Variants in TENM3 observed in about 807,000 individuals in gnomAD.
TENM3 encodes teneurin transmembrane protein 3, also known as teneurin-3.
A neutral mutation model predicts 255.1 loss-of-function variants in TENM3; 63 were observed. That is an observed-to-expected ratio of 0.25 (90% CI 0.20 to 0.30). The LOEUF is 0.30. Ranked by LOEUF, TENM3 falls within the 10% of genes least tolerant of loss-of-function variation. The probability of loss-of-function intolerance (pLI) is 1.00; values close to 1 mark genes in which losing one functional copy is unlikely to be tolerated. For synonymous variants in TENM3, 1,306 were observed against 1,322.3 expected (o/e 0.99, Z 0.27); for missense variants, 2,929 against 3,461.1 (o/e 0.85, Z 3.86).
chr4:182,771,642 G>A (rs1037011545), intron 22 of TENM3, among the ~76,000 whole-genome samples: 1 of 152,148 alleles, frequency 6.6e-6, no homozygotes, highest in African/African-American at 2.4e-5. Context: ...CAAACTGAAC[G>A]ACAGAACTTT....
At chr4:182,296,378 A>G (rs1761499770) in intron 1 of TENM3, among the ~76,000 whole-genome samples, 1 of 152,246 alleles carries the variant, frequency 6.6e-6, no homozygotes, top group Non-Finnish European at 1.5e-5. Context: ...GATACAAAGT[A>G]AATCATAAGG....
At chr4:182,644,197 G>A (rs912973821) in intron 5 of TENM3, among the ~76,000 whole-genome samples, 6 of 152,100 alleles carry the variant, frequency 3.9e-5, no homozygotes, top group African/African-American at 7.2e-5. Flanking sequence ...GCTGGACTAT[G>A]TCACCAGCTG....
chr4:182,581,640 G>A (rs1482823267), intron 3 of TENM3, among the ~76,000 whole-genome samples: 1 of 152,162 alleles, frequency 6.6e-6, no homozygotes, highest in Non-Finnish European at 1.5e-5. Flanking sequence ...AGGAGGCTGA[G>A]GCGGGAGAAT....
At chr4:181,505,237 G>T in the TENM3 span, among the ~76,000 whole-genome samples, 1 of 152,188 alleles carries the variant, frequency 6.6e-6, no homozygotes, top group African/African-American at 2.4e-5. Context: ...GGCACTGTTT[G>T]CTCTTCCCAC....
At chr4:181,866,928 CTCATTGCCTTAATGA>C in the TENM3 span, among the ~76,000 whole-genome samples, 228 of 152,228 alleles carry the variant, frequency 1.5e-3, 1 homozygote, top group African/African-American at 5.3e-3. Flanking sequence ...CTCATCTAAC[CTCATTGCCTTAATGA>C]TCACTTTTCT....
intron 3 of TENM3, among the ~76,000 whole-genome samples, chr4:182,461,018 T>G (rs1189233293): frequency 6.6e-6 from 1 of 152,162 alleles, no homozygotes; most frequent in Non-Finnish European, 1.5e-5. Context: ...TAATTTTGAG[T>G]CCATTTAGAC....
At chr4:181,495,763 T>C in the TENM3 span, among the ~76,000 whole-genome samples, 4 of 151,996 alleles carry the variant, frequency 2.6e-5, no homozygotes, top group African/African-American at 7.3e-5. Flanking sequence ...AAACTTCTTA[T>C]AGGAAAATAT....
chr4:182,693,375 C>T (rs1438160779), intron 12 of TENM3, among the ~76,000 whole-genome samples: 5 of 151,036 alleles, frequency 3.3e-5, no homozygotes, highest in African/African-American at 9.8e-5. Context: ...CTCACTCTGT[C>T]GCCCAGGCTG....
At chr4:181,483,809 G>A in the TENM3 span, among the ~76,000 whole-genome samples, 4 of 152,004 alleles carry the variant, frequency 2.6e-5, no homozygotes, top group Admixed American at 1.3e-4. Flanking sequence ...AAGGCTATGC[G>A]GTAATTGTGT....
At chr4:182,441,767 C>G (rs566433419) in intron 3 of TENM3, among the ~76,000 whole-genome samples, 1 of 152,290 alleles carries the variant, frequency 6.6e-6, no homozygotes, top group Admixed American at 6.5e-5. Flanking sequence ...ACCTTGTGAT[C>G]TGCCCACCTC....
At position 182,720,327 on chromosome 4, in the gene TENM3, G is replaced by T. The variant is rs78893609; in HGVS notation, c.2368+6094G>T. 9.9e-3 allele frequency among the ~76,000 whole-genome samples: 1,508 copies of T among 151,888 alleles called. 22 individuals are homozygous for T. Among genetic ancestry groups the T allele is most frequent in the African/African-American group, 0.033 (1,362 of 41,414 alleles). On this transcript the variant is annotated intron_variant, in intron 13 of 27. Coordinates refer to ENST00000511685, the MANE Select transcript of TENM3 (RefSeq NM_001080477.4). The stretch of plus-strand genomic sequence containing the variant: ...TAAAAATAAAAATAATGAAATGGCA[G>T]GAAACAGCACTGGAAAGGAAGCGGG...
At chr4:182,687,366 GA>G (rs1266837195) in intron 11 of TENM3, among the ~76,000 whole-genome samples, 2 of 152,048 alleles carry the variant, frequency 1.3e-5, no homozygotes, top group Non-Finnish European at 2.9e-5. Context: ...AAGCTTTTAA[GA>G]AAGCTTAAAA....
chr4:182,539,633 G>A (rs368945057), intron 3 of TENM3, among the ~76,000 whole-genome samples: 5 of 152,194 alleles, frequency 3.3e-5, no homozygotes, highest in South Asian at 2.1e-4. Flanking sequence ...TCATTCGAAC[G>A]ATATTAAATT....
the TENM3 span, among the ~76,000 whole-genome samples, chr4:181,652,429 C>T: frequency 2.6e-5 from 4 of 152,298 alleles, no homozygotes; most frequent in African/African-American, 9.6e-5. Context: ...AAGACAAAGA[C>T]CAAATAATGC....
the TENM3 span, among the ~76,000 whole-genome samples, chr4:181,994,570 G>GTT: frequency 2.7e-5 from 1 of 37,410 alleles, no homozygotes; most frequent in African/African-American, 9.6e-5. Flanking sequence ...TTTTTTTTTT[G>GTT]TGAACTCAAT....
intron 3 of TENM3, among the ~76,000 whole-genome samples, chr4:182,524,187 C>T (rs185441464): frequency 9.7e-4 from 148 of 152,196 alleles, no homozygotes; most frequent in Non-Finnish European, 1.7e-3. Context: ...AACGTGCTCA[C>T]AACAGGAGAG....
the TENM3 span, among the ~76,000 whole-genome samples, chr4:181,518,067 G>T: frequency 5.3e-5 from 8 of 152,158 alleles, no homozygotes; most frequent in Admixed American, 5.2e-4. Context: ...AAAGTGACAT[G>T]GGAGTGGCAA....
the TENM3 span, among the ~76,000 whole-genome samples, chr4:181,811,513 C>G: frequency 6.6e-6 from 1 of 152,218 alleles, no homozygotes; most frequent in Admixed American, 6.5e-5. Context: ...GTGTATTAGT[C>G]TATTCTCATG....
the TENM3 span, among the ~76,000 whole-genome samples, chr4:181,921,486 C>G: frequency 6.6e-6 from 1 of 152,142 alleles, no homozygotes; most frequent in African/African-American, 2.4e-5. Flanking sequence ...ATTTTATTCT[C>G]TTTGAAGCAA....
Sources: allele counts gnomAD v4.1 joint callset (sites outside exome capture counted in the v4.1 genomes callset), GRCh38; gene constraint gnomAD v4.1.1; transcripts MANE v1.5; gene names NCBI Gene and HGNC (gene_info 2026-07-23, HGNC 2026-07-21).